MYOM1: variants seen among roughly 807,000 people sequenced by gnomAD.
MYOM1 encodes myomesin 1, also known as myomesin-1.
In MYOM1, 164 loss-of-function variants were observed where a neutral mutation model predicts 205.3. That is an observed-to-expected ratio of 0.80 (90% CI 0.70 to 0.91). The LOEUF (loss-of-function observed/expected upper bound fraction) is 0.91, where lower values mean the gene tolerates loss of function less well. Ranked by LOEUF, MYOM1 falls within the 40% of genes least tolerant of loss-of-function variation. The probability of loss-of-function intolerance (pLI) is 0.00; values close to 1 mark genes in which losing one functional copy is unlikely to be tolerated. For missense variants in MYOM1, 2,011 were observed against 2,127.3 expected (o/e 0.95, Z 1.08); for synonymous variants, 772 against 789.4 (o/e 0.98, Z 0.37).
chr18:3,241,649 C>T, the MYOM1 span, among the ~76,000 whole-genome samples: 1 of 152,362 alleles, frequency 6.6e-6, no homozygotes, highest in East Asian at 1.9e-4. Flanking sequence ...TACTGGGGCC[C>T]CACTCAGTGG....
At position 3,217,431 on chromosome 18, in the gene MYOM1, A is replaced by G. The variant is rs550836920; in HGVS notation, c.-28-2180T>C. On this transcript the variant is annotated intron_variant, in intron 1 of 37. Transcript: ENST00000356443. ...ACTGAGATGGGGAGGAATGTGGGAA[A>G]GTATCAGTTTGGGGTGGAAGAACAG... is the stretch of plus-strand genomic sequence containing the variant. Among the ~76,000 whole-genome samples, 165 of 152,358 alleles carry G rather than the reference A, an allele frequency of 1.1e-3. 7 individuals are homozygous for G. The South Asian group carries it at 0.033, about 31-fold the overall frequency.
At chr18:3,112,932 CAAT>C (rs1339068396) in intron 21 of MYOM1, among the ~76,000 whole-genome samples, 5 of 152,100 alleles carry the variant, frequency 3.3e-5, no homozygotes, top group Non-Finnish European at 7.4e-5. Flanking sequence ...CCAAAACAAA[CAAT>C]AATTGTTCCT....
At chr18:3,070,773 T>TGTGTGTGTGC (rs771732957) in intron 37 of MYOM1, among the ~76,000 whole-genome samples, 1 of 147,382 alleles carries the variant, frequency 6.8e-6, no homozygotes, top group Non-Finnish European at 1.5e-5. Flanking sequence ...TGTGTGTGTG[T>TGTGTGTGTGC]GCACGTGTGT....
At chr18:3,243,001 A>G in the MYOM1 span, among the ~76,000 whole-genome samples, 1 of 152,216 alleles carries the variant, frequency 6.6e-6, no homozygotes, top group South Asian at 2.1e-4. Context: ...TGGAAGTAAT[A>G]AGTATCCCCA....
intron 26 of MYOM1, among the ~76,000 whole-genome samples, chr18:3,092,252 A>T (rs772200270): frequency 6.6e-6 from 1 of 152,202 alleles, no homozygotes; most frequent in Non-Finnish European, 1.5e-5. Context: ...GCTGGAGTGC[A>T]GTGGTGCAAT....
At chr18:3,199,561 G>T (rs1293907320) in intron 2 of MYOM1, among the ~76,000 whole-genome samples, 2 of 152,068 alleles carry the variant, frequency 1.3e-5, no homozygotes. Context: ...CTGCACACCG[G>T]CTGGGCACGG....
intron 5 of MYOM1, among the ~76,000 whole-genome samples, chr18:3,186,583 A>G (rs2080813320): frequency 6.6e-6 from 1 of 152,202 alleles, no homozygotes. Context: ...GAAGGAGGAA[A>G]AAGAGTGCTT....
At chr18:3,118,598 C>CTT (rs2079640305) in intron 20 of MYOM1, among the ~76,000 whole-genome samples, 1 of 152,094 alleles carries the variant, frequency 6.6e-6, no homozygotes, top group Non-Finnish European at 1.5e-5. Flanking sequence ...CCTCCCAAAG[C>CTT]ACTGGGATTA....
intron 18 of MYOM1, among the ~76,000 whole-genome samples, chr18:3,128,405 T>C (rs1489886687): frequency 1.3e-5 from 2 of 152,208 alleles, no homozygotes; most frequent in Non-Finnish European, 2.9e-5. Context: ...TGTTGTTTGA[T>C]AGGAAAAACA....
chr18:3,211,251 C>T (rs2081187474), intron 2 of MYOM1, among the ~76,000 whole-genome samples: 1 of 152,212 alleles, frequency 6.6e-6, no homozygotes, highest in Non-Finnish European at 1.5e-5. Flanking sequence ...CTGTAAACAT[C>T]TGCCTTATTT....
intron 2 of MYOM1, among the ~76,000 whole-genome samples, chr18:3,206,883 A>T (rs1002904899): frequency 6.6e-6 from 1 of 152,192 alleles, no homozygotes; most frequent in Non-Finnish European, 1.5e-5. Flanking sequence ...GCGTCATAAT[A>T]AATATTATGA....
At chr18:3,155,969 T>C (rs1487449049) in intron 10 of MYOM1, among the ~76,000 whole-genome samples, 1 of 152,218 alleles carries the variant, frequency 6.6e-6, no homozygotes, top group Non-Finnish European at 1.5e-5. Context: ...TCAGTTTATC[T>C]GAGTTTAGTA....
upstream of MYOM1, among the ~76,000 whole-genome samples, chr18:3,223,914 C>T (rs979761209): frequency 7.9e-5 from 12 of 151,968 alleles, no homozygotes; most frequent in South Asian, 2.1e-4. Flanking sequence ...GCAGAGCCAG[C>T]GGTGAGGGTG....
chr18:3,173,903 G>A (rs749298127), intron 8 of MYOM1, 35 bp downstream of exon 8: 4 of 1,575,942 alleles, frequency 2.5e-6, no homozygotes, highest in African/African-American at 1.4e-5. Flanking sequence ...ATTTTACATA[G>A]AGGTGACACT....
intron 36 of MYOM1, among the ~76,000 whole-genome samples, chr18:3,074,075 G>C (rs1286083924): frequency 3.3e-5 from 5 of 152,188 alleles, no homozygotes; most frequent in Non-Finnish European, 5.9e-5. Flanking sequence ...GTTGCTTCCA[G>C]TTCTAAAGAG....
chr18:3,174,590 G>T (rs150914540), intron 6 of MYOM1, among the ~76,000 whole-genome samples: 1 of 152,188 alleles, frequency 6.6e-6, no homozygotes, highest in African/African-American at 2.4e-5. Context: ...AAATGTGCAG[G>T]CGTGTACCTT....
rs1417853260 is a variant in MYOM1, at chr18:3,219,061, A to G, written c.-29+742T>C. 2.0e-5 allele frequency among the ~76,000 whole-genome samples: 3 copies of G among 152,182 alleles called. No homozygotes were observed. The highest frequency in any genetic ancestry group is 4.4e-5 in the Non-Finnish European group (3 of 68,024). ...CTAAAGCCAGGATTAGCTCCAACAC[A>G]TGACGGCTGGAGTACGTTGGGAGGA... On this transcript the variant is annotated intron_variant, in intron 1 of 37. Transcript: ENST00000356443. This position sits in a 1 kb window ranked among gnomAD's most constrained non-coding sequence, Gnocchi z 4.4.
At chr18:3,191,921 C>T (rs796556849) in intron 3 of MYOM1, among the ~76,000 whole-genome samples, 17 of 152,254 alleles carry the variant, frequency 1.1e-4, no homozygotes, top group African/African-American at 3.6e-4. Context: ...TGGTCTCAAT[C>T]TCCTGACATT....
Position 3,214,934 on chromosome 18 carries a change from C to A in MYOM1, c.290G>T (p.Gly97Val), listed in dbSNP as rs568600892. 1,392 of 1,592,304 alleles carry A rather than the reference C, an allele frequency of 8.7e-4. 22 individuals carry two copies. In the South Asian group the frequency reaches 0.015, roughly 17 times the overall value. ...ASAYDYGSSH[G>V]LTDSSLLLDD... ...GGTTGGAGGAGGGCGTCCGACATAC[C>A]CATGGGAGGAGCCATAATCGTAGGC... Residue 97 changes from glycine to valine, a missense_variant and splice_region_variant, in exon 2 of 38, where the codon GGA becomes GTA. Physicochemically the swap from Gly to Val is moderately radical, Grantham distance 109. Transcript: ENST00000356443.
Sources: gnomAD v4.1 joint callset for allele counts (sites outside exome capture counted in the v4.1 genomes callset) on GRCh38, gnomAD v4.1.1 for gene constraint, Gnocchi (gnomAD v3.1) non-coding constraint, MANE v1.5 for transcripts, NCBI Gene and HGNC (gene_info 2026-07-23, HGNC 2026-07-21) for gene names.